Variants in TASP1 observed in about 807,000 individuals in gnomAD.
The protein encoded by TASP1 is taspase 1.
In TASP1, 16 loss-of-function variants were observed where a neutral mutation model predicts 56.6. That is an observed-to-expected ratio of 0.28 (90% CI 0.19 to 0.43). TASP1 has a LOEUF of 0.43. Among genes scored for constraint, TASP1 ranks in the 20% least tolerant of loss-of-function variants. The pLI is 1.00. For synonymous variants in TASP1, 179 were observed against 184.2 expected (o/e 0.97, Z 0.23); for missense variants, 393 against 511.6 (o/e 0.77, Z 2.24).
intron 9 of TASP1, 103 bp downstream of exon 9, chr20:13,533,919 A>AT (rs1003769384): frequency 7.4e-6 from 10 of 1,349,790 alleles, no homozygotes; most frequent in African/African-American, 4.4e-5. Flanking sequence ...AATGACATTC[A>AT]TTTTTTCTAA....
the TASP1 span, among the ~76,000 whole-genome samples, chr20:13,179,965 G>T: frequency 6.6e-6 from 1 of 152,204 alleles, no homozygotes; most frequent in African/African-American, 2.4e-5. Context: ...TGTAGTCTAT[G>T]GACACAGCGT....
intron 3 of TASP1, among the ~76,000 whole-genome samples, chr20:13,624,956 A>G (rs143663907): frequency 0.023 from 3,562 of 152,320 alleles, 61 homozygotes; most frequent in South Asian, 0.068. Flanking sequence ...TGTGCCCACA[A>G]TTACAAAAAT....
At chr20:13,457,176 G>T (rs6042123) in intron 11 of TASP1, among the ~76,000 whole-genome samples, 8,891 of 152,064 alleles carry the variant, frequency 0.058, 367 homozygotes, top group African/African-American at 0.12. Flanking sequence ...ATGTAAATGA[G>T]GAGTTGATGG....
At chr20:13,494,171 C>T (rs2043639160) in intron 10 of TASP1, among the ~76,000 whole-genome samples, 1 of 152,184 alleles carries the variant, frequency 6.6e-6, no homozygotes, top group Non-Finnish European at 1.5e-5. Flanking sequence ...GATTCCTGTT[C>T]CATCAGAGAG....
At chr20:13,553,826 A>G (rs1306713449) in intron 8 of TASP1, among the ~76,000 whole-genome samples, 1 of 152,174 alleles carries the variant, frequency 6.6e-6, no homozygotes, top group African/African-American at 2.4e-5. Context: ...AATAGCCACT[A>G]CCATTGACAA....
chr20:13,122,743 T>C, the TASP1 span, among the ~76,000 whole-genome samples: 2 of 152,242 alleles, frequency 1.3e-5, no homozygotes, highest in Non-Finnish European at 2.9e-5. Flanking sequence ...TTATTATCTC[T>C]TCAGGGTCAT....
intron 5 of TASP1, among the ~76,000 whole-genome samples, chr20:13,584,472 C>T (rs781115629): frequency 1.1e-4 from 17 of 151,906 alleles, no homozygotes; most frequent in Middle Eastern, 3.2e-3. Flanking sequence ...TTCAAACACA[C>T]GAAATTTTAT....
At chr20:13,511,645 C>A (rs1477528259) in intron 10 of TASP1, among the ~76,000 whole-genome samples, 7 of 151,890 alleles carry the variant, frequency 4.6e-5, no homozygotes, top group African/African-American at 1.5e-4. Flanking sequence ...TACATGTGCA[C>A]AATGTACAGG....
the TASP1 span, among the ~76,000 whole-genome samples, chr20:13,203,908 C>A: frequency 6.6e-6 from 1 of 152,164 alleles, no homozygotes; most frequent in Admixed American, 6.5e-5. Context: ...AAAATAATGT[C>A]TGACCCAACT....
chr20:13,599,323 T>C (rs936602512), intron 4 of TASP1, among the ~76,000 whole-genome samples: 3 of 152,168 alleles, frequency 2.0e-5, no homozygotes, highest in African/African-American at 7.2e-5. Context: ...GTGGCACATA[T>C]ACACCATGGA....
At chr20:13,526,028 G>A (rs1157178258) in intron 10 of TASP1, among the ~76,000 whole-genome samples, 1 of 152,136 alleles carries the variant, frequency 6.6e-6, no homozygotes. Flanking sequence ...AAAAGCAATG[G>A]AGAAAAACCT....
intron 11 of TASP1, among the ~76,000 whole-genome samples, chr20:13,463,741 T>A (rs900567165): frequency 6.6e-6 from 1 of 151,964 alleles, no homozygotes; most frequent in Middle Eastern, 3.2e-3. Context: ...AATAAGCACA[T>A]GAAAAGATGC....
the TASP1 span, among the ~76,000 whole-genome samples, chr20:13,314,868 A>G: frequency 6.6e-6 from 1 of 152,098 alleles, no homozygotes; most frequent in African/African-American, 2.4e-5. Context: ...TATAAGTGAA[A>G]TGAATTCCAG....
At chr20:13,178,824 TA>T in the TASP1 span, among the ~76,000 whole-genome samples, 4 of 152,056 alleles carry the variant, frequency 2.6e-5, no homozygotes, top group Admixed American at 2.6e-4. Flanking sequence ...GATACAAAAT[TA>T]CAGCTAGATA....
rs192243215 is a variant in TASP1, at chr20:13,561,792, T to A, written c.569-2678A>T. 3.3e-3 allele frequency among the ~76,000 whole-genome samples: 497 copies of A among 152,314 alleles called. 4 individuals are homozygous for A. The highest frequency in any genetic ancestry group is 0.012 in the African/African-American group (483 of 41,572). On this transcript the variant is annotated intron_variant, in intron 7 of 13. Transcript: ENST00000337743. ...ACAGAGCTGTATAAGAACAGAATTT[T>A]TATTTGTTATTGAAGTTAAGCTGGT... is the stretch of plus-strand genomic sequence containing the variant.
intron 11 of TASP1, among the ~76,000 whole-genome samples, chr20:13,475,326 A>G (rs1253996643): frequency 2.0e-5 from 3 of 152,182 alleles, no homozygotes; most frequent in Non-Finnish European, 4.4e-5. Context: ...TACAGTTGCA[A>G]GGCATCCATT....
intron 4 of TASP1, among the ~76,000 whole-genome samples, chr20:13,603,955 T>A (rs1415744108): frequency 6.6e-6 from 1 of 152,096 alleles, no homozygotes; most frequent in African/African-American, 2.4e-5. Flanking sequence ...TTCTCCACCA[T>A]CCCCCAAGTG....
the TASP1 span, among the ~76,000 whole-genome samples, chr20:13,377,549 C>T: frequency 1.3e-5 from 2 of 152,268 alleles, no homozygotes; most frequent in East Asian, 1.9e-4. Flanking sequence ...TTTGTGGTGT[C>T]TCCACCAGGT....
chr20:13,530,225 T>C (rs567287250), intron 9 of TASP1, among the ~76,000 whole-genome samples: 8 of 152,158 alleles, frequency 5.3e-5, no homozygotes, highest in Non-Finnish European at 7.4e-5. Flanking sequence ...ATGTGACCCA[T>C]AGTTGCTATC....
Sources: allele counts gnomAD v4.1 joint callset (sites outside exome capture counted in the v4.1 genomes callset), GRCh38; gene constraint gnomAD v4.1.1; transcripts MANE v1.5; gene names NCBI Gene and HGNC (gene_info 2026-07-23, HGNC 2026-07-21).